SLC25A21: variants seen among roughly 807,000 people sequenced by gnomAD.
SLC25A21 encodes the protein solute carrier family 25 member 21, also known as mitochondrial 2-oxodicarboxylate carrier.
Under a neutral mutation model 43.8 loss-of-function variants are expected in SLC25A21, and 47 were observed. The observed-to-expected ratio is 1.07, with a 90% CI of 0.85 to 1.37. The LOEUF is 1.37. Among genes scored for constraint, SLC25A21 ranks in the 40% most tolerant of loss-of-function variants. The pLI, the probability that SLC25A21 is intolerant of heterozygous loss-of-function variation, is 0.00. For missense variants in SLC25A21, 352 were observed against 350.2 expected (o/e 1.00, Z -0.04); for synonymous variants, 131 against 121.3 (o/e 1.08, Z -0.52).
intron 2 of SLC25A21, among the ~76,000 whole-genome samples, chr14:36,869,048 G>A (rs984529083): frequency 6.6e-5 from 10 of 152,154 alleles, no homozygotes; most frequent in Admixed American, 2.0e-4. Context: ...GGGTGGTGGT[G>A]CTATTACTAA....
intron 9 of SLC25A21, among the ~76,000 whole-genome samples, chr14:36,681,581 T>TAA (rs1368400971): frequency 1.3e-5 from 2 of 152,102 alleles, no homozygotes; most frequent in Admixed American, 6.5e-5. Flanking sequence ...CTTTTATGTC[T>TAA]AACTGTGTGA....
chr14:37,156,579 G>T (rs1372869324), intron 1 of SLC25A21, among the ~76,000 whole-genome samples: 8 of 151,900 alleles, frequency 5.3e-5, no homozygotes, highest in African/African-American at 1.9e-4. Context: ...TAAAGGAAAA[G>T]GAAAAGACAC....
chr14:36,680,553 T>A lies in SLC25A21; in HGVS notation c.*105A>T. The A allele has an allele frequency of 7.0e-7, 1 of 1,436,176 alleles. No homozygotes were observed. The highest frequency in any genetic ancestry group is 9.2e-7 in the Non-Finnish European group (1 of 1,091,260). 89.0% of individuals were successfully genotyped at this position (1,436,176 alleles called of 1,614,324 possible). ...AAATAGATTTTGTTCTTGAACAGTT[T>A]TCTCCTTCATAATTATACACCTGGC... On this transcript the variant is annotated 3_prime_UTR_variant, in exon 10 of 10. Coordinates refer to ENST00000331299, the MANE Select transcript of SLC25A21 (RefSeq NM_030631.4).
intron 1 of SLC25A21, among the ~76,000 whole-genome samples, chr14:37,040,291 G>GGAAGGAA (rs1961426451): frequency 1.5e-5 from 1 of 65,904 alleles, no homozygotes; most frequent in Non-Finnish European, 2.7e-5. Context: ...AGGAAGGAAA[G>GGAAGGAA]AGAGAGAAAG....
chr14:37,162,919 A>C (rs906660955), intron 1 of SLC25A21, among the ~76,000 whole-genome samples: 8 of 152,226 alleles, frequency 5.3e-5, no homozygotes, highest in Non-Finnish European at 8.8e-5. Flanking sequence ...AGACTGGATT[A>C]AGAAAATGTG....
intron 1 of SLC25A21, among the ~76,000 whole-genome samples, chr14:36,997,315 A>G (rs888469680): frequency 2.0e-5 from 3 of 152,160 alleles, no homozygotes; most frequent in Admixed American, 6.5e-5. Flanking sequence ...TAAAGGAGAA[A>G]CACTTTCTCA....
intron 1 of SLC25A21, among the ~76,000 whole-genome samples, chr14:37,113,366 T>C (rs1963053280): frequency 6.6e-6 from 1 of 152,168 alleles, no homozygotes; most frequent in South Asian, 2.1e-4. Flanking sequence ...GCATTCCTCA[T>C]GACAATAAAA....
intron 1 of SLC25A21, among the ~76,000 whole-genome samples, chr14:37,005,050 C>T (rs1960569731): frequency 6.6e-6 from 1 of 151,606 alleles, no homozygotes; most frequent in Non-Finnish European, 1.5e-5. Context: ...CAATGGGAGG[C>T]AGGGCTTCCG....
chr14:37,167,294 A>G (rs1417901586), intron 1 of SLC25A21, among the ~76,000 whole-genome samples: 2 of 152,198 alleles, frequency 1.3e-5, no homozygotes, highest in Non-Finnish European at 2.9e-5. Flanking sequence ...TCTTCTACAC[A>G]GTGCTTCTAA....
intron 1 of SLC25A21, among the ~76,000 whole-genome samples, chr14:37,095,796 TTA>T (rs1224598400): frequency 8.1e-6 from 1 of 123,214 alleles, no homozygotes; most frequent in Non-Finnish European, 1.6e-5. Flanking sequence ...ATATATATAT[TTA>T]TATACACACA....
chr14:36,855,889 C>T (rs959910479), intron 2 of SLC25A21, among the ~76,000 whole-genome samples: 8 of 152,022 alleles, frequency 5.3e-5, no homozygotes, highest in East Asian at 1.9e-4. Context: ...GTTTCCCAGG[C>T]GGGTATTCGG....
At chr14:37,172,162 C>G in intron 1 of SLC25A21, 119 bp downstream of exon 1, 1 of 1,061,888 alleles carries the variant, frequency 9.4e-7, no homozygotes, top group Non-Finnish European at 1.4e-6. Context: ...GCTCCGGGAG[C>G]GCTGAATTTT....
At chr14:36,708,481 A>C (rs1883673333) in intron 7 of SLC25A21, among the ~76,000 whole-genome samples, 1 of 152,326 alleles carries the variant, frequency 6.6e-6, no homozygotes, top group Non-Finnish European at 1.5e-5. Flanking sequence ...CCTGTCATGC[A>C]GGCTGGAGTG....
intron 1 of SLC25A21, among the ~76,000 whole-genome samples, chr14:37,037,457 A>T (rs1257424132): frequency 6.6e-6 from 1 of 152,206 alleles, no homozygotes; most frequent in Non-Finnish European, 1.5e-5. Context: ...AAAGCTTAAC[A>T]TCACCAGGGT....
chr14:37,137,179 A>C (rs537345081), intron 1 of SLC25A21, among the ~76,000 whole-genome samples: 15 of 152,004 alleles, frequency 9.9e-5, no homozygotes, highest in Non-Finnish European at 2.9e-5. Flanking sequence ...TTGTATTTTT[A>C]GTAGAGACGG....
intron 1 of SLC25A21, among the ~76,000 whole-genome samples, chr14:36,907,478 C>T (rs149935194): frequency 1.3e-3 from 195 of 152,026 alleles, no homozygotes; most frequent in African/African-American, 4.0e-3. Flanking sequence ...CAGAACTAAC[C>T]GACACAAACG....
At chr14:37,152,278 G>T (rs1329229523) in intron 1 of SLC25A21, among the ~76,000 whole-genome samples, 1 of 151,868 alleles carries the variant, frequency 6.6e-6, no homozygotes, top group Non-Finnish European at 1.5e-5. Flanking sequence ...AAATAGAAAT[G>T]AGAAAATGAT....
At chr14:36,729,423 T>C in intron 5 of SLC25A21, 84 bp downstream of exon 5, 1 of 1,052,614 alleles carries the variant, frequency 9.5e-7, no homozygotes, top group Non-Finnish European at 1.4e-6. Flanking sequence ...GTAGCTGGGC[T>C]TGGAAATCAA....
chr14:36,935,519 T>C (rs1004331309), intron 1 of SLC25A21, among the ~76,000 whole-genome samples: 24 of 152,222 alleles, frequency 1.6e-4, no homozygotes, highest in African/African-American at 5.8e-4. Flanking sequence ...GGAAGCCACC[T>C]AATGTCTATA....
Sources: allele counts gnomAD v4.1 joint callset (sites outside exome capture counted in the v4.1 genomes callset), GRCh38; gene constraint gnomAD v4.1.1; transcripts MANE v1.5; gene names NCBI Gene and HGNC (gene_info 2026-07-23, HGNC 2026-07-21).